The following CPEB3 variants were observed in gnomAD, a reference collection of about 807,000 sequenced individuals.
CPEB3 encodes the protein cytoplasmic polyadenylation element-binding protein 3.
CPEB3 carries 20 observed loss-of-function variants against 67.2 expected under a neutral mutation model. That is an observed-to-expected ratio of 0.30 (90% CI 0.21 to 0.43). CPEB3 has a LOEUF of 0.43. Among genes scored for constraint, CPEB3 ranks in the 20% least tolerant of loss-of-function variants. The pLI, the probability that CPEB3 is intolerant of heterozygous loss-of-function variation, is 1.00. For missense variants in CPEB3, 746 were observed against 968.6 expected, an observed-to-expected ratio of 0.77 and a Z score of 3.05; for synonymous variants, 376 against 393.1, an observed-to-expected ratio of 0.96 and a Z score of 0.51.
At chr10:92,187,374 A>G (rs1219285886) in intron 3 of CPEB3, among the ~76,000 whole-genome samples, 1 of 152,236 alleles carries the variant, frequency 6.6e-6, no homozygotes, top group Non-Finnish European at 1.5e-5. Context: ...TGGTGAGGGA[A>G]GAGAAAATTC....
intron 4 of CPEB3, among the ~76,000 whole-genome samples, chr10:92,175,967 T>C (rs1197500338): frequency 6.6e-6 from 1 of 152,166 alleles, no homozygotes; most frequent in Non-Finnish European, 1.5e-5. Flanking sequence ...GGCGTGTGCC[T>C]GTAGTCCCAG....
intron 6 of CPEB3, chr10:92,136,970 T>C (rs933340757): frequency 1.6e-5 from 3 of 191,372 alleles, no homozygotes; most frequent in Admixed American, 6.0e-5. Context: ...TATGAACCTC[T>C]TGGAATCCCT....
Position 92,192,476 on chromosome 10 carries a change from C to A in CPEB3, c.1165+1G>T, listed in dbSNP as rs1391087552. 3 of 1,611,096 alleles carry A rather than the reference C, an allele frequency of 1.9e-6. No homozygotes were observed. Among genetic ancestry groups the A allele is most frequent in the Non-Finnish European group, 2.5e-6 (3 of 1,179,166 alleles). On this transcript the variant is annotated splice_donor_variant, in intron 3 of 9. Transcript: ENST00000265997. LOFTEE classifies it high-confidence loss of function. ...GAAATGGACATATGAATATTCCTAACCTGCAAAATGATTCCTCCACATTAT... is the reference window on the plus strand; with the variant it reads ...GAAATGGACATATGAATATTCCTAAACTGCAAAATGATTCCTCCACATTAT...
At chr10:92,138,183 G>C in intron 6 of CPEB3, 1 of 214,560 alleles carries the variant, frequency 4.7e-6, no homozygotes, top group South Asian at 8.6e-5. Context: ...ATGTGCAGCA[G>C]GTTTCTTCAG....
chr10:92,247,294 T>G (rs1852112714), intron 1 of CPEB3, among the ~76,000 whole-genome samples: 1 of 152,138 alleles, frequency 6.6e-6, no homozygotes, highest in Non-Finnish European at 1.5e-5. Flanking sequence ...CTCAGCTAAC[T>G]GCAACCTCCA....
chr10:92,057,126 C>T (rs146932484), intron 9 of CPEB3, among the ~76,000 whole-genome samples: 19 of 152,154 alleles, frequency 1.2e-4, no homozygotes, highest in Admixed American at 1.1e-3. Flanking sequence ...GGTACCAGTA[C>T]GGCCACAGTT....
chr10:92,239,622 G>A lies in CPEB3; in HGVS notation c.729C>T (p.Asn243=). 1 of 1,558,328 alleles carries A rather than the reference G, an allele frequency of 6.4e-7. No individual in the cohort carries two copies. The highest frequency in any genetic ancestry group is 8.7e-7 in the Non-Finnish European group (1 of 1,151,342). ...AGGCTGCATTCACGCTTTGGTGCGT[G>A]TTCCAGCTGGACGAGGCCGACGAGG... ...AAASSASSSW[N]THQSVNAAWS... The change falls in exon 2 of 10, where the codon AAC becomes AAT. Residue 243 remains asparagine (N), a synonymous_variant. Coordinates refer to ENST00000265997, the MANE Select transcript of CPEB3 (RefSeq NM_014912.5). The surrounding 1 kb of genome is among the most constrained non-coding windows in gnomAD (Gnocchi z 6.0).
At chr10:92,269,235 T>C (rs1275489887) in intron 1 of CPEB3, among the ~76,000 whole-genome samples, 1 of 151,970 alleles carries the variant, frequency 6.6e-6, no homozygotes, top group Non-Finnish European at 1.5e-5. Flanking sequence ...TCATCACCCA[T>C]GAAGACGGGA....
chr10:92,240,727 T>C (rs1238384699), intron 1 of CPEB3, among the ~76,000 whole-genome samples: 4 of 152,206 alleles, frequency 2.6e-5, no homozygotes, highest in African/African-American at 7.2e-5. Context: ...TTCTGGTTCC[T>C]GTTTTTTCCC....
At chr10:92,144,062 G>C (rs1803408185) in intron 5 of CPEB3, among the ~76,000 whole-genome samples, 1 of 152,042 alleles carries the variant, frequency 6.6e-6, no homozygotes, top group African/African-American at 2.4e-5. Flanking sequence ...TTTTGCTTAA[G>C]TTAACTTTGT....
chr10:92,205,470 CT>C (rs34029695), intron 2 of CPEB3, among the ~76,000 whole-genome samples: 7,701 of 91,226 alleles, frequency 0.084, 188 homozygotes, highest in African/African-American at 0.27. Flanking sequence ...AAATTCAGTC[CT>C]TTTTTTTTTT....
At chr10:92,154,193 A>G (rs1847099541) in intron 4 of CPEB3, among the ~76,000 whole-genome samples, 1 of 152,238 alleles carries the variant, frequency 6.6e-6, no homozygotes, top group Non-Finnish European at 1.5e-5. Context: ...TTGCAGTTGT[A>G]TAGGAGGACA....
chr10:92,231,227 T>C (rs954786784), intron 2 of CPEB3, among the ~76,000 whole-genome samples: 1 of 152,298 alleles, frequency 6.6e-6, no homozygotes, highest in East Asian at 1.9e-4. Context: ...CACCCTAATA[T>C]ACAAAGTGCC....
intron 1 of CPEB3, among the ~76,000 whole-genome samples, chr10:92,252,937 T>C (rs1442799937): frequency 6.6e-6 from 1 of 152,140 alleles, no homozygotes; most frequent in East Asian, 1.9e-4. Context: ...GTTCCTTTTT[T>C]TTTTGAGACA....
At chr10:92,141,763 A>T (rs1315331733) in intron 6 of CPEB3, among the ~76,000 whole-genome samples, 1 of 151,270 alleles carries the variant, frequency 6.6e-6, no homozygotes, top group Non-Finnish European at 1.5e-5. Context: ...TCACGCCTGT[A>T]ATCCCAGCAC....
chr10:92,237,850 A>C (rs566448566), intron 2 of CPEB3, among the ~76,000 whole-genome samples: 3 of 152,300 alleles, frequency 2.0e-5, no homozygotes, highest in African/African-American at 7.2e-5. Flanking sequence ...AAAATAAACA[A>C]ACTTTAGAAT....
chr10:92,168,240 T>C (rs928538125), intron 4 of CPEB3, among the ~76,000 whole-genome samples: 1 of 152,232 alleles, frequency 6.6e-6, no homozygotes, highest in Non-Finnish European at 1.5e-5. Context: ...ACTGAACTTT[T>C]GCAACATTCT....
rs1843147183 is a variant in CPEB3 at position 92,081,405 on chromosome 10, C to T, written c.1784G>A (p.Arg595His). The change falls in exon 9 of 10, where the codon CGC becomes CAC. Residue 595 changes from arginine (R) to histidine (H), a missense_variant. Physicochemically the swap from Arg to His is conservative, Grantham distance 29. Transcript: ENST00000265997. ...ACTCTGCTGATTGGAGAATGCCACGCGGCCAGCACCTTTGGGGTACTTCAG... is the reference window on the plus strand; with the variant it reads ...ACTCTGCTGATTGGAGAATGCCACGTGGCCAGCACCTTTGGGGTACTTCAG... ...PELKYPKGAGRVAFSNQQSYI... is the reference protein window; with the variant it reads ...PELKYPKGAGHVAFSNQQSYI... 6.2e-7 allele frequency: 1 copy of T among 1,614,072 alleles called. No homozygotes were observed. The highest frequency in any genetic ancestry group is 8.5e-7 in the Non-Finnish European group (1 of 1,180,018).
At chr10:92,236,279 G>A (rs1851528368) in intron 2 of CPEB3, among the ~76,000 whole-genome samples, 1 of 152,138 alleles carries the variant, frequency 6.6e-6, no homozygotes, top group Non-Finnish European at 1.5e-5. Flanking sequence ...AGCTAGAACT[G>A]TAGGACCTGA....
Sources: allele counts gnomAD v4.1 joint callset (sites outside exome capture counted in the v4.1 genomes callset), GRCh38; gene constraint gnomAD v4.1.1; non-coding constraint Gnocchi (gnomAD v3.1); transcripts MANE v1.5; gene names NCBI Gene and HGNC (gene_info 2026-07-23, HGNC 2026-07-21).